Variants in BSN observed in about 807,000 individuals in gnomAD.
The protein encoded by BSN is protein bassoon.
In BSN, 57 loss-of-function variants were observed where a neutral mutation model predicts 264.8. The ratio of observed to expected loss-of-function variants is 0.22; its 90% CI spans 0.17 to 0.27. The LOEUF (loss-of-function observed/expected upper bound fraction) is 0.27, where lower values mean the gene tolerates loss of function less well. BSN is among the 10% of genes least tolerant of loss of function. BSN has a pLI of 1.00. For synonymous variants in BSN, 2,059 were observed against 2,137.3 expected (o/e 0.96, Z 1.01); for missense variants, 4,615 against 5,232.5 (o/e 0.88, Z 3.64).
chr3:49,569,952 G>C (rs1394139312), intron 1 of BSN, among the ~76,000 whole-genome samples: 2 of 152,164 alleles, frequency 1.3e-5, no homozygotes, highest in African/African-American at 4.8e-5. Context: ...GGGAGTTCCA[G>C]GTCTGGGGCT....
intron 1 of BSN, among the ~76,000 whole-genome samples, chr3:49,575,279 G>A (rs777869926): frequency 1.3e-5 from 2 of 151,590 alleles, no homozygotes; most frequent in Non-Finnish European, 2.9e-5. Flanking sequence ...ACTTGAACCC[G>A]GGAGGCAGAG....
intron 1 of BSN, among the ~76,000 whole-genome samples, chr3:49,598,465 A>T (rs939359567): frequency 6.6e-6 from 1 of 152,218 alleles, no homozygotes; most frequent in Non-Finnish European, 1.5e-5. Context: ...AAGGTCAACA[A>T]TTGATGAAAT....
At chr3:49,598,582 G>A (rs954403316) in intron 1 of BSN, among the ~76,000 whole-genome samples, 1 of 151,878 alleles carries the variant, frequency 6.6e-6, no homozygotes, top group African/African-American at 2.4e-5. Flanking sequence ...CAGGTGTGAG[G>A]CACCATGCCT....
At chr3:49,671,978 G>C (rs1445564062), downstream of BSN, among the ~76,000 whole-genome samples, 1 of 145,046 alleles carries the variant, frequency 6.9e-6, no homozygotes, top group African/African-American at 2.5e-5. This position sits in a 1 kb window ranked among gnomAD's most constrained non-coding sequence, Gnocchi z 4.1. Context: ...GCCTTCCTCA[G>C]ATGGTCAGGA....
chr3:49,595,494 A>AT (rs985130044), intron 1 of BSN, among the ~76,000 whole-genome samples: 82 of 145,644 alleles, frequency 5.6e-4, no homozygotes, highest in East Asian at 1.8e-3. Context: ...CGGCCTCACA[A>AT]TTTTTTTTTT....
Position 49,656,721 on chromosome 3 carries a change from C to G in BSN, c.7165C>G (p.Arg2389Gly). Residue 2389 changes from arginine to glycine, a missense_variant, in exon 5 of 12, where the codon CGG becomes GGG. Physicochemically the swap from Arg to Gly is moderately radical, Grantham distance 125. This residue lies in a region of BSN where 3,415 missense variants were observed against 3,866.4 expected (regional missense o/e 0.88). Coordinates refer to ENST00000296452, the MANE Select transcript of BSN (RefSeq NM_003458.4). ...GGAGTTGGAGAAGCTGCGACAACTTCGGCTGCAAGAGGAGCTAGAGCGGGA... is the reference window on the plus strand; with the variant it reads ...GGAGTTGGAGAAGCTGCGACAACTTGGGCTGCAAGAGGAGCTAGAGCGGGA... Reference protein sequence around the residue: ...RVELEKLRQLRLQEELERERV... With the variant: ...RVELEKLRQLGLQEELERERV... The G allele has an allele frequency of 6.3e-7, 1 of 1,578,304 alleles. No individual in the cohort carries two copies. Among genetic ancestry groups the G allele is most frequent in the South Asian group, 1.1e-5 (1 of 87,048 alleles).
intron 1 of BSN, among the ~76,000 whole-genome samples, chr3:49,605,364 A>ATATATATTTAATATATAAATATATATTT (rs2052105854): frequency 4.1e-5 from 3 of 73,022 alleles, no homozygotes; most frequent in Admixed American, 2.5e-4. Context: ...ATATTTATAA[A>ATATATATTTAATATATAAATATATATTT]TATATATTTA....
intron 11 of BSN, among the ~76,000 whole-genome samples, chr3:49,667,107 A>G (rs944162361): frequency 3.9e-5 from 6 of 152,156 alleles, no homozygotes; most frequent in East Asian, 1.9e-4. Context: ...GTCCTGCCAC[A>G]TGGTGTGGTT....
At chr3:49,637,990 A>G (rs1187647476) in intron 2 of BSN, among the ~76,000 whole-genome samples, 1 of 152,236 alleles carries the variant, frequency 6.6e-6, no homozygotes, top group Non-Finnish European at 1.5e-5. Flanking sequence ...ACCTTAGGGT[A>G]GCCCCAGGAA....
chr3:49,623,949 G>T (rs1030136615), intron 1 of BSN, among the ~76,000 whole-genome samples: 2 of 152,178 alleles, frequency 1.3e-5, no homozygotes, highest in African/African-American at 4.8e-5. Flanking sequence ...TATGTAATTC[G>T]ACTGAGGTGC....
chr3:49,642,342 C>T lies in BSN; in HGVS notation c.708C>T (p.Ser236=). 8.8e-6 allele frequency: 14 copies of T among 1,599,236 alleles called. No homozygotes were observed. Among genetic ancestry groups the T allele is most frequent in the Non-Finnish European group, 1.1e-5 (13 of 1,172,740 alleles). The change falls in exon 3 of 12, where the codon TCC becomes TCT. Residue 236 remains serine, a synonymous_variant. Coordinates refer to ENST00000296452, the MANE Select transcript of BSN (RefSeq NM_003458.4). The surrounding 1 kb of genome is among the most constrained non-coding windows in gnomAD (Gnocchi z 7.0). The part of the protein sequence containing the change: ...LGMDMTTAPR[S]KSQQQLHSPA... ...TGGACATGACCACTGCACCTCGCTC[C>T]AAGAGCCAGCAGCAGCTGCACTCCC...
At chr3:49,565,027 G>A (rs2051741687) in intron 1 of BSN, among the ~76,000 whole-genome samples, 2 of 149,820 alleles carry the variant, frequency 1.3e-5, no homozygotes, top group Non-Finnish European at 3.0e-5. Flanking sequence ...AAGAAGAAAG[G>A]ATGGTAGGCT....
intron 1 of BSN, among the ~76,000 whole-genome samples, chr3:49,611,792 G>A (rs1422087550): frequency 6.6e-6 from 1 of 152,204 alleles, no homozygotes; most frequent in Non-Finnish European, 1.5e-5. Flanking sequence ...GGTTCTTTTG[G>A]TTTCCCAGGC....
chr3:49,589,667 C>T (rs1402674616), intron 1 of BSN, among the ~76,000 whole-genome samples: 5 of 150,592 alleles, frequency 3.3e-5, no homozygotes, highest in Non-Finnish European at 5.9e-5. Flanking sequence ...CCACCACGCC[C>T]GGCTCATTTT....
Position 49,656,582 on chromosome 3 carries a change from T to C in BSN, c.7026T>C (p.Pro2342=). 6.3e-7 allele frequency: 1 copy of C among 1,592,556 alleles called. No individual in the cohort carries two copies. Among genetic ancestry groups the C allele is most frequent in the Non-Finnish European group, 8.6e-7 (1 of 1,169,244 alleles). ...AGQKPPADAA[P]GGGSGALSRP... is the part of the protein sequence containing the mutation. ...AGAAGCCACCAGCAGATGCTGCTCC[T>C]GGGGGTGGCAGTGGGGCCCTCAGCC... Residue 2342 remains proline (P), a synonymous_variant, in exon 5 of 12, where the codon CCT becomes CCC. Transcript: ENST00000296452.
intron 1 of BSN, among the ~76,000 whole-genome samples, chr3:49,604,140 C>T (rs973787957): frequency 1.3e-5 from 2 of 151,796 alleles, no homozygotes; most frequent in Non-Finnish European, 2.9e-5. Context: ...CCCAGGTTGG[C>T]CTTCAACTCC....
chr3:49,599,617 G>A (rs1336573854), intron 1 of BSN, among the ~76,000 whole-genome samples: 3 of 152,108 alleles, frequency 2.0e-5, no homozygotes, highest in African/African-American at 7.2e-5. Flanking sequence ...AGACTTTCTC[G>A]ATTGAATATT....
chr3:49,650,477 T>C, intron 3 of BSN, 135 bp from the exon 4 acceptor site: 1 of 840,556 alleles, frequency 1.2e-6, no homozygotes, highest in East Asian at 2.7e-5. Flanking sequence ...GTCAGTCTTT[T>C]TCTCCTTATG....
chr3:49,598,920 G>A (rs979803504), intron 1 of BSN, among the ~76,000 whole-genome samples: 3 of 152,082 alleles, frequency 2.0e-5, no homozygotes, highest in Non-Finnish European at 4.4e-5. Flanking sequence ...AATATTTAAT[G>A]TATTGGATAT....
Sources: gnomAD v4.1 joint callset for allele counts (sites outside exome capture counted in the v4.1 genomes callset) on GRCh38, gnomAD v4.1.1 for gene constraint, gnomAD v4.1.1 regional missense constraint, Gnocchi (gnomAD v3.1) non-coding constraint, MANE v1.5 for transcripts, NCBI Gene and HGNC (gene_info 2026-07-23, HGNC 2026-07-21) for gene names.